Variants in GRM8 observed in about 807,000 individuals in gnomAD.
GRM8 encodes the protein metabotropic glutamate receptor 8.
GRM8 carries 47 observed loss-of-function variants against 87.2 expected under a neutral mutation model. The observed-to-expected ratio is 0.54, with a 90% CI of 0.43 to 0.69. GRM8 has a LOEUF of 0.69. Ranked by LOEUF, GRM8 falls within the 30% of genes least tolerant of loss-of-function variation. The probability of loss-of-function intolerance (pLI) is 0.00; values close to 1 mark genes in which losing one functional copy is unlikely to be tolerated. For synonymous variants in GRM8, 396 were observed against 404.5 expected (o/e 0.98, Z 0.25); for missense variants, 1,019 against 1,139.2 (o/e 0.89, Z 1.52).
chr7:127,113,024 A>G (rs1429106728), intron 2 of GRM8, among the ~76,000 whole-genome samples: 1 of 152,140 alleles, frequency 6.6e-6, no homozygotes, highest in Admixed American at 6.6e-5. Context: ...GTGTCTCTCC[A>G]TGTTGCCTTC....
chr7:126,827,055 G>A (rs1049458570), intron 6 of GRM8, among the ~76,000 whole-genome samples: 1 of 152,126 alleles, frequency 6.6e-6, no homozygotes, highest in Non-Finnish European at 1.5e-5. Flanking sequence ...TGAGGGCTCT[G>A]TTCTGTTCCA....
chr7:126,678,887 T>G (rs182844864), intron 7 of GRM8, among the ~76,000 whole-genome samples: 10 of 152,366 alleles, frequency 6.6e-5, no homozygotes, highest in Non-Finnish European at 1.2e-4. Flanking sequence ...AACTGGTAAT[T>G]TGGAAACTGT....
intron 9 of GRM8, among the ~76,000 whole-genome samples, chr7:126,467,319 G>A (rs1804617250): frequency 6.6e-6 from 1 of 151,976 alleles, no homozygotes; most frequent in Admixed American, 6.6e-5. Flanking sequence ...TTATCATTAT[G>A]AATGGCTTTA....
intron 7 of GRM8, among the ~76,000 whole-genome samples, chr7:126,658,954 A>G (rs734524): frequency 0.38 from 57,525 of 151,686 alleles, 11,348 homozygotes; most frequent in African/African-American, 0.46. Flanking sequence ...AGCGGCCGCT[A>G]CAGTCATTTA....
chr7:127,018,521 C>T (rs773718413), intron 3 of GRM8, among the ~76,000 whole-genome samples: 1 of 151,086 alleles, frequency 6.6e-6, no homozygotes, highest in Non-Finnish European at 1.5e-5. Context: ...GTGGACACTG[C>T]TAACTTGTTA....
At chr7:127,183,806 G>T (rs17864963) in intron 2 of GRM8, among the ~76,000 whole-genome samples, 8 of 151,652 alleles carry the variant, frequency 5.3e-5, no homozygotes, top group African/African-American at 1.9e-4. Context: ...AAGAAAAAGA[G>T]AAGACACAAA....
chr7:126,525,139 G>T (rs1813641374), intron 9 of GRM8, among the ~76,000 whole-genome samples: 1 of 152,180 alleles, frequency 6.6e-6, no homozygotes, highest in African/African-American at 2.4e-5. Flanking sequence ...TTCTTTGTTT[G>T]AGAGGGCTGA....
intron 3 of GRM8, among the ~76,000 whole-genome samples, chr7:127,068,478 T>C (rs2402852): frequency 0.73 from 111,504 of 151,996 alleles, 41,860 homozygotes; most frequent in African/African-American, 0.85. Context: ...GGTGCTAAAC[T>C]CAAGACAGTC....
At chr7:126,526,932 A>G (rs2237738) in intron 9 of GRM8, among the ~76,000 whole-genome samples, 58,372 of 151,958 alleles carry the variant, frequency 0.38, 11,457 homozygotes, top group East Asian at 0.49. Flanking sequence ...CCCCTTCCAG[A>G]GCAGATTGCA....
intron 7 of GRM8, among the ~76,000 whole-genome samples, chr7:126,714,217 G>T (rs1811455899): frequency 6.6e-6 from 1 of 150,586 alleles, no homozygotes; most frequent in Admixed American, 6.6e-5. Flanking sequence ...GGCAGAGGTT[G>T]TGGTGAGCCT....
rs560765900 is a variant in GRM8, at chr7:126,685,205, G to A, written c.1358-75707C>T. On this transcript the variant is annotated intron_variant, in intron 7 of 10. Coordinates refer to ENST00000339582, the MANE Select transcript of GRM8 (RefSeq NM_000845.3). This position sits in a 1 kb window ranked among gnomAD's most constrained non-coding sequence, Gnocchi z 4.2. ...TAGTCCCTAGAGACTTCCCCTGGGG[G>A]ACCCCCTGGAGCCTACCACCCTGGG... Among the ~76,000 whole-genome samples, 2 of 152,308 alleles carry A rather than the reference G, an allele frequency of 1.3e-5. No homozygotes were observed. Among genetic ancestry groups the A allele is most frequent in the South Asian group, 4.1e-4 (2 of 4,828 alleles).
intron 3 of GRM8, among the ~76,000 whole-genome samples, chr7:127,023,177 G>C (rs760554713): frequency 2.0e-5 from 3 of 151,780 alleles, no homozygotes; most frequent in African/African-American, 2.4e-5. Flanking sequence ...TTTTATCACA[G>C]GTGTTTTTTC....
chr7:127,202,138 A>T (rs1795647631), intron 2 of GRM8, among the ~76,000 whole-genome samples: 1 of 152,026 alleles, frequency 6.6e-6, no homozygotes, highest in African/African-American at 2.4e-5. Flanking sequence ...GTTCTACCTT[A>T]TATTATAAAT....
chr7:126,461,834 T>C (rs758743523), intron 9 of GRM8, among the ~76,000 whole-genome samples: 7 of 151,714 alleles, frequency 4.6e-5, no homozygotes, highest in Non-Finnish European at 7.4e-5. Context: ...TTTGGCTTAA[T>C]GTATTGTTTT....
At chr7:126,830,947 T>C (rs1311623935) in intron 6 of GRM8, among the ~76,000 whole-genome samples, 1 of 152,214 alleles carries the variant, frequency 6.6e-6, no homozygotes, top group Non-Finnish European at 1.5e-5. Context: ...TGCAGGTCTA[T>C]TGGAGTTTGC....
At chr7:127,155,755 A>C (rs1376816239) in intron 2 of GRM8, among the ~76,000 whole-genome samples, 1 of 152,212 alleles carries the variant, frequency 6.6e-6, no homozygotes, top group Non-Finnish European at 1.5e-5. Context: ...GCACACAAAC[A>C]GCCTGGAAAC....
At chr7:127,089,340 T>G (rs1451616961) in intron 3 of GRM8, among the ~76,000 whole-genome samples, 1 of 152,206 alleles carries the variant, frequency 6.6e-6, no homozygotes, top group Non-Finnish European at 1.5e-5. Context: ...GAGCCAGCCC[T>G]GCCTACACCT....
At chr7:127,226,185 A>G (rs570970550) in intron 2 of GRM8, among the ~76,000 whole-genome samples, 23 of 152,300 alleles carry the variant, frequency 1.5e-4, no homozygotes, top group African/African-American at 5.5e-4. Flanking sequence ...AACTTAGCAC[A>G]CACCTCTAAC....
At chr7:127,082,439 A>T (rs965227918) in intron 3 of GRM8, among the ~76,000 whole-genome samples, 3 of 152,026 alleles carry the variant, frequency 2.0e-5, no homozygotes, top group Non-Finnish European at 4.4e-5. Flanking sequence ...TAAGTTATTC[A>T]TGTCTCTGGG....
Sources: gnomAD v4.1 joint callset for allele counts (sites outside exome capture counted in the v4.1 genomes callset) on GRCh38, gnomAD v4.1.1 for gene constraint, Gnocchi (gnomAD v3.1) non-coding constraint, MANE v1.5 for transcripts, NCBI Gene and HGNC (gene_info 2026-07-23, HGNC 2026-07-21) for gene names.